The following NAV2 variants were observed in gnomAD, a reference collection of about 807,000 sequenced individuals.
The protein encoded by NAV2 is helicase, APC down-regulated 1.
NAV2 carries 54 observed loss-of-function variants against 223.2 expected under a neutral mutation model. The observed-to-expected ratio is 0.24, with a 90% CI of 0.19 to 0.30. The LOEUF (loss-of-function observed/expected upper bound fraction) is 0.30, where lower values mean the gene tolerates loss of function less well. Ranked by LOEUF, NAV2 falls within the 10% of genes least tolerant of loss-of-function variation. NAV2 has a pLI of 1.00. For missense variants in NAV2, 2,806 were observed against 3,147.5 expected, an observed-to-expected ratio of 0.89 and a Z score of 2.60; for synonymous variants, 1,279 against 1,239.3, an observed-to-expected ratio of 1.03 and a Z score of -0.67.
At chr11:19,881,993 G>C (rs778226983) in intron 5 of NAV2, among the ~76,000 whole-genome samples, 6 of 152,156 alleles carry the variant, frequency 3.9e-5, no homozygotes, top group Non-Finnish European at 5.9e-5. Flanking sequence ...GTGGTCCCTG[G>C]AGTTGCACAT....
At chr11:19,542,235 G>A (rs1015455112) in intron 1 of NAV2, among the ~76,000 whole-genome samples, 7 of 152,172 alleles carry the variant, frequency 4.6e-5, no homozygotes, top group Non-Finnish European at 8.8e-5. Context: ...CTAATAATGG[G>A]TACCCTTTAA....
intron 1 of NAV2, among the ~76,000 whole-genome samples, chr11:19,531,521 A>T (rs1401147758): frequency 6.6e-6 from 1 of 152,204 alleles, no homozygotes; most frequent in East Asian, 1.9e-4. Flanking sequence ...GAGCCAGCAA[A>T]ATTTGTTGAC....
intron 10 of NAV2, among the ~76,000 whole-genome samples, chr11:19,968,870 T>C (rs1300227098): frequency 6.6e-6 from 1 of 151,996 alleles, no homozygotes; most frequent in Admixed American, 6.6e-5. Flanking sequence ...CCCCCCAGAG[T>C]GCTCCGACTG....
intron 1 of NAV2, among the ~76,000 whole-genome samples, chr11:19,665,466 C>T (rs1334741761): frequency 6.6e-6 from 1 of 152,192 alleles, no homozygotes; most frequent in African/African-American, 2.4e-5. Context: ...GGCAGCTCTG[C>T]TCAGGAAGCT....
intron 26 of NAV2, among the ~76,000 whole-genome samples, chr11:20,090,297 G>T (rs2060748595): frequency 6.6e-6 from 1 of 152,164 alleles, no homozygotes; most frequent in Non-Finnish European, 1.5e-5. Flanking sequence ...AAGCCCAGCT[G>T]TGTACACATG....
chr11:20,088,997 C>T (rs1035372503), intron 26 of NAV2, among the ~76,000 whole-genome samples: 1 of 151,844 alleles, frequency 6.6e-6, no homozygotes, highest in Non-Finnish European at 1.5e-5. Context: ...CTGCAAACCT[C>T]CCAAACCGAA....
chr11:19,391,759 T>C (rs1053034208), intron 1 of NAV2, among the ~76,000 whole-genome samples: 2 of 152,140 alleles, frequency 1.3e-5, no homozygotes, highest in Non-Finnish European at 2.9e-5. Flanking sequence ...ATCTCAAGTG[T>C]GACTTTTCTT....
chr11:19,521,259 G>A (rs902739905), intron 1 of NAV2, among the ~76,000 whole-genome samples: 8 of 152,170 alleles, frequency 5.3e-5, no homozygotes, highest in Admixed American at 5.2e-4. Context: ...GACCCTCTGA[G>A]AGGAGGGTGA....
At chr11:19,689,511 G>C (rs1451830759) in intron 1 of NAV2, among the ~76,000 whole-genome samples, 1 of 152,210 alleles carries the variant, frequency 6.6e-6, no homozygotes, top group African/African-American at 2.4e-5. Flanking sequence ...TCCGCCAGGA[G>C]GACGGTCCTC....
intron 1 of NAV2, among the ~76,000 whole-genome samples, chr11:19,605,519 A>G (rs1264661906): frequency 4.0e-5 from 6 of 151,444 alleles, no homozygotes; most frequent in African/African-American, 1.5e-4. Flanking sequence ...GCCCCAAACA[A>G]TTTCTAAATA....
intron 1 of NAV2, among the ~76,000 whole-genome samples, chr11:19,583,473 C>T (rs1424436178): frequency 2.6e-5 from 4 of 152,190 alleles, no homozygotes; most frequent in African/African-American, 4.8e-5. Flanking sequence ...AAAGGGAATG[C>T]TTCCAGTTTT....
At chr11:20,047,305 A>G (rs938292835) in intron 14 of NAV2, among the ~76,000 whole-genome samples, 1 of 152,228 alleles carries the variant, frequency 6.6e-6, no homozygotes, top group African/African-American at 2.4e-5. Flanking sequence ...CTTTTAGCCA[A>G]TTCCTGGTAA....
At chr11:19,553,523 C>CACACG (rs2044759923) in intron 1 of NAV2, among the ~76,000 whole-genome samples, 2 of 123,040 alleles carry the variant, frequency 1.6e-5, no homozygotes, top group Non-Finnish European at 3.3e-5. Context: ...ACACACACAC[C>CACACG]TCTCTCCCCT....
chr11:19,695,956 G>C (rs1321644650), intron 1 of NAV2, among the ~76,000 whole-genome samples: 4 of 119,294 alleles, frequency 3.4e-5, no homozygotes, highest in African/African-American at 5.7e-5. Context: ...TTCTAATCCT[G>C]ACTAAGGCCT....
intron 1 of NAV2, among the ~76,000 whole-genome samples, chr11:19,599,351 T>C (rs1026405210): frequency 9.2e-5 from 14 of 152,238 alleles, no homozygotes; most frequent in Admixed American, 6.5e-4. Flanking sequence ...TCTTACCTCC[T>C]GTTCATTTCA....
intron 1 of NAV2, among the ~76,000 whole-genome samples, chr11:19,574,064 G>A (rs1371480052): frequency 6.6e-6 from 1 of 152,192 alleles, no homozygotes; most frequent in Non-Finnish European, 1.5e-5. Context: ...AGTGTGAAGG[G>A]CATTTTCTGT....
intron 1 of NAV2, among the ~76,000 whole-genome samples, chr11:19,364,559 C>G (rs1854151518): frequency 6.6e-6 from 1 of 152,160 alleles, no homozygotes; most frequent in South Asian, 2.1e-4. Context: ...TCTTTAGCTC[C>G]TGCTAGCCTG....
At chr11:19,980,878 C>T (rs1411820415) in intron 10 of NAV2, among the ~76,000 whole-genome samples, 1 of 152,154 alleles carries the variant, frequency 6.6e-6, no homozygotes, top group Non-Finnish European at 1.5e-5. Flanking sequence ...GAGGCTGGCT[C>T]TAACCACAGC....
At chr11:19,360,801 C>T (rs1284657515) in intron 1 of NAV2, among the ~76,000 whole-genome samples, 1 of 152,188 alleles carries the variant, frequency 6.6e-6, no homozygotes, top group Non-Finnish European at 1.5e-5. Context: ...ATGGAATCAT[C>T]TCTTGAATGT....
Sources: gnomAD v4.1 joint callset for allele counts (sites outside exome capture counted in the v4.1 genomes callset) on GRCh38, gnomAD v4.1.1 for gene constraint, MANE v1.5 for transcripts, NCBI Gene and HGNC (gene_info 2026-07-23, HGNC 2026-07-21) for gene names.